WWC1: variants seen among roughly 807,000 people sequenced by gnomAD.
The protein encoded by WWC1 is WW and C2 domain containing 1.
WWC1 carries 55 observed loss-of-function variants against 138.4 expected under a neutral mutation model. The observed-to-expected ratio is 0.40, with a 90% CI of 0.32 to 0.50. The LOEUF (loss-of-function observed/expected upper bound fraction) is 0.50. Ranked by LOEUF, WWC1 falls within the 20% of genes least tolerant of loss-of-function variation. WWC1 has a pLI of 0.72. For missense variants in WWC1, 1,226 were observed against 1,420.4 expected (o/e 0.86, Z 2.20); for synonymous variants, 524 against 564.9 (o/e 0.93, Z 1.03).
chr5:168,357,714 C>T (rs1330918026), intron 1 of WWC1, among the ~76,000 whole-genome samples: 1 of 152,136 alleles, frequency 6.6e-6, no homozygotes, highest in South Asian at 2.1e-4. Context: ...GACTTTATTC[C>T]AGCCGCCTTC....
chr5:168,467,770 A>T, intron 21 of WWC1, 70 bp from the exon 22 acceptor site: 4 of 1,605,052 alleles, frequency 2.5e-6, no homozygotes, highest in Non-Finnish European at 3.4e-6. Context: ...CTCTGTTGTG[A>T]TAGCGAGTTC....
At chr5:168,315,003 C>T (rs564370149) in intron 1 of WWC1, among the ~76,000 whole-genome samples, 90 of 152,234 alleles carry the variant, frequency 5.9e-4, no homozygotes, top group African/African-American at 2.0e-3. Flanking sequence ...ACACTCAGTC[C>T]GTTGGTGTGA....
chr5:168,416,636 G>C (rs1177185515), intron 9 of WWC1: 1 of 152,200 alleles, frequency 6.6e-6, no homozygotes, highest in Non-Finnish European at 1.5e-5. Context: ...ACAGCCAGCA[G>C]CTGAAGAGAA....
chr5:168,314,848 G>T (rs1437778698), intron 1 of WWC1, among the ~76,000 whole-genome samples: 2 of 152,186 alleles, frequency 1.3e-5, no homozygotes, highest in African/African-American at 4.8e-5. Context: ...CAGGAGGTGT[G>T]GCCAGATTCC....
intron 11 of WWC1, among the ~76,000 whole-genome samples, chr5:168,426,719 C>T (rs1211390705): frequency 1.3e-5 from 2 of 152,364 alleles, no homozygotes; most frequent in African/African-American, 2.4e-5. Flanking sequence ...CTCCCAGACC[C>T]GCCTTGTCAC....
At chr5:168,388,260 T>A (rs1386088609) in intron 3 of WWC1, among the ~76,000 whole-genome samples, 1 of 151,714 alleles carries the variant, frequency 6.6e-6, no homozygotes, top group African/African-American at 2.4e-5. Flanking sequence ...ATCCATAATA[T>A]GGATTATTCT....
chr5:168,291,979 C>A lies in WWC1; in HGVS notation c.-174C>A. On this transcript the variant is annotated 5_prime_UTR_variant, in exon 1 of 23. Coordinates refer to ENST00000265293, the MANE Select transcript of WWC1 (RefSeq NM_015238.3). ...GCGCCGGGTCGGGGCTGCAGGGCCG[C>A]ATGGACAGCGGCGCCACCCCGGCCG... is the stretch of plus-strand genomic sequence containing the variant. 1 of 627,244 alleles carries A rather than the reference C, an allele frequency of 1.6e-6. No homozygotes were observed. Among genetic ancestry groups the A allele is most frequent in the Non-Finnish European group, 2.3e-6 (1 of 428,922 alleles). 38.9% of individuals were successfully genotyped at this position (627,244 alleles called of 1,614,324 possible).
chr5:168,408,799 C>T (rs1780008513), intron 7 of WWC1, 146 bp downstream of exon 7: 2 of 1,124,428 alleles, frequency 1.8e-6, no homozygotes, highest in African/African-American at 1.6e-5. Flanking sequence ...CCCTCTGGAG[C>T]TCTGTTCTCT....
chr5:168,442,845 A>G (rs1395189477), intron 16 of WWC1, among the ~76,000 whole-genome samples: 1 of 151,906 alleles, frequency 6.6e-6, no homozygotes, highest in African/African-American at 2.4e-5. Context: ...TCAGAAAAAA[A>G]AAAAAAAGAA....
chr5:168,439,165 T>C (rs550507101), intron 15 of WWC1, among the ~76,000 whole-genome samples: 1 of 152,230 alleles, frequency 6.6e-6, no homozygotes, highest in Non-Finnish European at 1.5e-5. Flanking sequence ...TTATATATTC[T>C]TTTCTGCACC....
chr5:168,442,861 A>G (rs1375240337), intron 16 of WWC1, among the ~76,000 whole-genome samples: 1 of 152,068 alleles, frequency 6.6e-6, no homozygotes, highest in Non-Finnish European at 1.5e-5. Context: ...AAGAAAAGAA[A>G]AAAAAGCTTA....
chr5:168,464,794 C>T lies in WWC1; in HGVS notation c.2982C>T (p.Asp994=). 6.2e-7 allele frequency: 1 copy of T among 1,614,206 alleles called. No homozygotes were observed. Among genetic ancestry groups the T allele is most frequent in the Non-Finnish European group, 8.5e-7 (1 of 1,180,046 alleles). ...GTACCTCGCTGGACCTGGAGTTAGA[C>T]CTGCAGGCGACAAGAACCTGGCACA... is the stretch of plus-strand genomic sequence containing the variant. ...LIRTSLDLEL[D]LQATRTWHSQ... Residue 994 remains aspartate (D), a synonymous_variant, in exon 21 of 23, where the codon GAC becomes GAT. Transcript: ENST00000265293.
intron 2 of WWC1, among the ~76,000 whole-genome samples, chr5:168,371,931 G>A (rs1561671932): frequency 6.6e-6 from 1 of 152,168 alleles, no homozygotes; most frequent in Non-Finnish European, 1.5e-5. Flanking sequence ...AAAGAAAGAT[G>A]TGTCATTGTC....
intron 1 of WWC1, among the ~76,000 whole-genome samples, chr5:168,338,302 C>T (rs1203673765): frequency 6.9e-6 from 1 of 145,102 alleles, no homozygotes; most frequent in Non-Finnish European, 1.5e-5. Flanking sequence ...CAGAGTGAGA[C>T]TTTGCCTCAA....
intron 17 of WWC1, among the ~76,000 whole-genome samples, chr5:168,451,546 A>C (rs1174801477): frequency 6.6e-6 from 1 of 152,028 alleles, no homozygotes; most frequent in African/African-American, 2.4e-5. Flanking sequence ...CAAAAGATTT[A>C]CTAAATTAGC....
At chr5:168,347,565 C>T (rs1423309742) in intron 1 of WWC1, among the ~76,000 whole-genome samples, 1 of 152,204 alleles carries the variant, frequency 6.6e-6, no homozygotes, top group Admixed American at 6.5e-5. Flanking sequence ...AGAACTGAAA[C>T]CCTGTTTCTG....
chr5:168,338,131 CA>C (rs965899671), intron 1 of WWC1, among the ~76,000 whole-genome samples: 12 of 151,798 alleles, frequency 7.9e-5, no homozygotes, highest in South Asian at 2.1e-4. Flanking sequence ...GCCAACGTGG[CA>C]AAACCCCATC....
intron 7 of WWC1, among the ~76,000 whole-genome samples, chr5:168,409,191 C>T (rs779459135): frequency 1.2e-4 from 18 of 152,232 alleles, no homozygotes; most frequent in Middle Eastern, 3.4e-3. Flanking sequence ...CATGGTGCCT[C>T]GTAACTTTTG....
Position 168,410,046 on chromosome 5 carries a change from AT to A in WWC1, c.941+53del, listed in dbSNP as rs544943000. The stretch of plus-strand genomic sequence containing the variant: ...GATGGTTCCAAAAATAATAACTACT[AT>A]TGTAGAATGCCTGCTCTGTGCTTAG... On this transcript the variant is annotated intron_variant, in intron 8 of 22. Coordinates refer to ENST00000265293, the MANE Select transcript of WWC1 (RefSeq NM_015238.3). 197 of 1,548,876 alleles carry A rather than the reference AT, an allele frequency of 1.3e-4. No individual in the cohort carries two copies. In the African/African-American group the frequency reaches 2.6e-3, roughly 20 times the overall value.
Sources: allele counts gnomAD v4.1 joint callset (sites outside exome capture counted in the v4.1 genomes callset), GRCh38; gene constraint gnomAD v4.1.1; transcripts MANE v1.5; gene names NCBI Gene and HGNC (gene_info 2026-07-23, HGNC 2026-07-21).